The following MSH4 variants were observed in gnomAD, a reference collection of about 807,000 sequenced individuals.
MSH4 encodes mutS protein homolog 4.
In MSH4, 106 loss-of-function variants were observed where a neutral mutation model predicts 113.7. That is an observed-to-expected ratio of 0.93 (90% CI 0.80 to 1.10). MSH4 has a LOEUF of 1.10. MSH4 is among the 50% of genes least tolerant of loss of function. MSH4 has a pLI of 0.00. For missense variants in MSH4, 1,061 were observed against 1,093.7 expected (o/e 0.97, Z 0.42); for synonymous variants, 368 against 380.2 (o/e 0.97, Z 0.37).
intron 8 of MSH4, among the ~76,000 whole-genome samples, chr1:75,859,188 CT>C (rs757204307): frequency 1.3e-5 from 2 of 151,902 alleles, no homozygotes; most frequent in Non-Finnish European, 2.9e-5. Context: ...TGGGCTATCT[CT>C]TTTGTTGATC....
At chr1:75,818,756 TTTTTG>T (rs1650345139) in intron 6 of MSH4, among the ~76,000 whole-genome samples, 1 of 152,002 alleles carries the variant, frequency 6.6e-6, no homozygotes. Flanking sequence ...TATTCCGTTT[TTTTTG>T]TTTGTTTGTT....
chr1:75,852,854 C>T (rs1374076276), intron 8 of MSH4, among the ~76,000 whole-genome samples: 1 of 151,832 alleles, frequency 6.6e-6, no homozygotes, highest in South Asian at 2.1e-4. Flanking sequence ...TGTTAATCCC[C>T]GATCAAAAAA....
At chr1:75,797,429 CTG>C (rs763127550) in intron 1 of MSH4, among the ~76,000 whole-genome samples, 200 bp downstream of exon 1, 21 of 152,140 alleles carry the variant, frequency 1.4e-4, no homozygotes, top group South Asian at 4.1e-4. Flanking sequence ...AAGACCTTGA[CTG>C]TGGATGGCTC....
At chr1:75,881,741 C>T (rs1651936916) in intron 14 of MSH4, among the ~76,000 whole-genome samples, 1 of 152,046 alleles carries the variant, frequency 6.6e-6, no homozygotes, top group Admixed American at 6.6e-5. Context: ...AATGCATCTC[C>T]AGAGTGAGCA....
intron 9 of MSH4, among the ~76,000 whole-genome samples, chr1:75,874,258 G>A (rs1460076905): frequency 6.6e-6 from 1 of 152,072 alleles, no homozygotes; most frequent in East Asian, 1.9e-4. Flanking sequence ...TTTTAATGAA[G>A]TTGTTTTATT....
At chr1:75,799,586 C>T (rs1357838998) in intron 1 of MSH4, among the ~76,000 whole-genome samples, 1 of 152,224 alleles carries the variant, frequency 6.6e-6, no homozygotes, top group Non-Finnish European at 1.5e-5. Flanking sequence ...CAAAGGGAAA[C>T]AGCTGGAGCG....
At chr1:75,875,645 C>T (rs1333987351) in intron 9 of MSH4, among the ~76,000 whole-genome samples, 1 of 152,128 alleles carries the variant, frequency 6.6e-6, no homozygotes. Context: ...TAAAATACAG[C>T]TTACAGTAAC....
At position 75,890,810 on chromosome 1, in the gene MSH4, C is replaced by G. The variant is rs759739434; in HGVS notation, c.2341C>G (p.Leu781Val). ...CATTTGTTATGCTGTTTGTGAATATCTACTGAGCTTAAAGGTATTCTTTTA... is the reference window on the plus strand; with the variant it reads ...CATTTGTTATGCTGTTTGTGAATATGTACTGAGCTTAAAGGTATTCTTTTA... ...IGICYAVCEY[L>V]LSLKAFTLFA... Residue 781 changes from leucine (L) to valine (V), a missense_variant, in exon 17 of 20, where the codon CTA (leucine) becomes GTA (valine). Physicochemically the swap from Leu to Val is conservative, Grantham distance 32. Transcript: ENST00000263187. 2.5e-6 allele frequency: 4 copies of G among 1,585,514 alleles called. No individual in the cohort carries two copies. The highest frequency in any genetic ancestry group is 1.1e-5 in the South Asian group (1 of 89,128).
At chr1:75,865,930 C>T (rs902989974) in intron 8 of MSH4, among the ~76,000 whole-genome samples, 1 of 152,104 alleles carries the variant, frequency 6.6e-6, no homozygotes, top group Non-Finnish European at 1.5e-5. Flanking sequence ...TCTACTGGTA[C>T]TATTTACGGA....
chr1:75,883,778 A>G lies in MSH4; in HGVS notation c.2064A>G (p.Thr688=). 6.2e-7 allele frequency: 1 copy of G among 1,613,300 alleles called. No individual in the cohort carries two copies. Among genetic ancestry groups the G allele is most frequent in the Non-Finnish European group, 8.5e-7 (1 of 1,179,568 alleles). Residue 688 remains threonine, a synonymous_variant, in exon 15 of 20, where the codon ACA becomes ACG. Transcript: ENST00000263187. The part of the protein sequence containing the change: ...ITGPNMSGKS[T]YLKQIALCQI... Reference sequence around the variant, plus strand: ...GACCAAACATGAGTGGAAAATCCACATATTTAAAACAGATTGCTCTTTGTC... The same window carrying G: ...GACCAAACATGAGTGGAAAATCCACGTATTTAAAACAGATTGCTCTTTGTC...
At chr1:75,801,581 A>AG (rs1649936081) in intron 1 of MSH4, among the ~76,000 whole-genome samples, 1 of 151,674 alleles carries the variant, frequency 6.6e-6, no homozygotes, top group Admixed American at 6.6e-5. Flanking sequence ...AAAAAAAAAA[A>AG]AAAAGTTTAT....
At chr1:75,850,125 C>G (rs1651154810) in intron 8 of MSH4, among the ~76,000 whole-genome samples, 1 of 152,030 alleles carries the variant, frequency 6.6e-6, no homozygotes, top group Non-Finnish European at 1.5e-5. Flanking sequence ...AGCCAACTTT[C>G]TATTTCATTG....
At chr1:75,819,543 G>A (rs1333995973) in intron 6 of MSH4, among the ~76,000 whole-genome samples, 1 of 152,228 alleles carries the variant, frequency 6.6e-6, no homozygotes, top group Non-Finnish European at 1.5e-5. Flanking sequence ...TGTAAGGTCT[G>A]TGAAGACAGG....
At chr1:75,871,221 C>T (rs1169621958) in intron 9 of MSH4, among the ~76,000 whole-genome samples, 1 of 152,096 alleles carries the variant, frequency 6.6e-6, no homozygotes, top group Non-Finnish European at 1.5e-5. Flanking sequence ...AACTCACTCA[C>T]CATCATGAGA....
At chr1:75,907,393 T>C (rs1652683319) in intron 19 of MSH4, among the ~76,000 whole-genome samples, 1 of 151,998 alleles carries the variant, frequency 6.6e-6, no homozygotes, top group African/African-American at 2.4e-5. Flanking sequence ...GGAGCTGCTT[T>C]ATATGTTATT....
At position 75,881,251 on chromosome 1, in the gene MSH4, T is replaced by C. The variant is rs1347213127; in HGVS notation, c.1787T>C (p.Val596Ala). The C allele has an allele frequency of 1.2e-6, 2 of 1,600,656 alleles. No individual in the cohort carries two copies. The highest frequency in any genetic ancestry group is 1.7e-5 in the Admixed American group (1 of 59,096). The change falls in exon 14 of 20, where the codon GTG becomes GCG. Residue 596 changes from valine (V) to alanine (A), a missense_variant. By Grantham distance (64) the Val-to-Ala change is moderately conservative (BLOSUM62 0). Coordinates refer to ENST00000263187, the MANE Select transcript of MSH4 (RefSeq NM_002440.4). The part of the protein sequence containing the change: ...REIYHMTYMI[V>A]CKLLSEIYEH... ...CTTACCAAACGTGTTTTCAGGATAG[T>C]GTGCAAACTGCTTAGTGAGATTTAT...
intron 19 of MSH4, among the ~76,000 whole-genome samples, chr1:75,900,487 G>A (rs1652483968): frequency 1.3e-5 from 2 of 151,608 alleles, no homozygotes; most frequent in African/African-American, 4.8e-5. Context: ...TGTATTTTTC[G>A]TAGAGGTGGG....
At chr1:75,903,201 C>T (rs1483741225) in intron 19 of MSH4, among the ~76,000 whole-genome samples, 1 of 151,896 alleles carries the variant, frequency 6.6e-6, no homozygotes, top group Admixed American at 6.6e-5. Flanking sequence ...GTCTTTAATT[C>T]ATTTTGATTA....
At position 75,897,904 on chromosome 1, in the gene MSH4, C is replaced by T. The variant is rs1652419074; in HGVS notation, c.2356-3C>T. 5 of 1,487,590 alleles carry T rather than the reference C, an allele frequency of 3.4e-6. No homozygotes were observed. Among genetic ancestry groups the T allele is most frequent in the South Asian group, 3.0e-5 (2 of 66,044 alleles). The allele number at this position is 1,487,590 out of a possible 1,614,324, so 92.1% of individuals were successfully genotyped here. A position where few individuals can be genotyped will look rare whatever the true frequency, so the allele number is the denominator to read the frequency against. Reference sequence around the variant, plus strand: ...AATATTCATTGTCTGTTATATATTCCAGGCATTTACACTGTTTGCTACACA... The same window carrying T: ...AATATTCATTGTCTGTTATATATTCTAGGCATTTACACTGTTTGCTACACA... On this transcript the variant is annotated splice_polypyrimidine_tract_variant and splice_region_variant and intron_variant, in intron 17 of 19. Coordinates refer to ENST00000263187, the MANE Select transcript of MSH4 (RefSeq NM_002440.4).
Sources: gnomAD v4.1 joint callset for allele counts (sites outside exome capture counted in the v4.1 genomes callset) on GRCh38, gnomAD v4.1.1 for gene constraint, MANE v1.5 for transcripts, NCBI Gene and HGNC (gene_info 2026-07-23, HGNC 2026-07-21) for gene names.